Variants in DDX39B observed in about 807,000 individuals in gnomAD.
The protein encoded by DDX39B is spliceosome RNA helicase DDX39B.
DDX39B carries 6 observed loss-of-function variants against 46.4 expected under a neutral mutation model. The ratio of observed to expected loss-of-function variants is 0.13; its 90% confidence interval spans 0.07 to 0.26. The LOEUF is 0.26. Among genes scored for constraint, DDX39B ranks in the 10% least tolerant of loss-of-function variants. DDX39B has a pLI of 1.00. For synonymous variants in DDX39B, 174 were observed against 199.4 expected, an observed-to-expected ratio of 0.87 and a Z score of 1.07; for missense variants, 185 against 553.4, an observed-to-expected ratio of 0.33 and a Z score of 6.68.
In DDX39B at chr6:31,531,413, G is replaced by A; in HGVS notation, c.868-8C>T. Reference sequence around the variant, plus strand: ...CTTCACAAAGATCACCACCTGTTGTGGGGTGGGGTGGGGGGTCGCAAATTG... The same window carrying A: ...CTTCACAAAGATCACCACCTGTTGTAGGGTGGGGTGGGGGGTCGCAAATTG... On this transcript the variant is annotated splice_region_variant and splice_polypyrimidine_tract_variant and intron_variant, in intron 7 of 10. Transcript: ENST00000396172. The surrounding 1 kb of genome is among the most constrained non-coding windows in gnomAD (Gnocchi z 5.8). The A allele has an allele frequency of 5.6e-6, 9 of 1,613,868 alleles. No homozygotes were observed. The highest frequency in any genetic ancestry group is 7.6e-6 in the Non-Finnish European group (9 of 1,179,818).
intron 1 of DDX39B, chr6:31,541,348 G>C (rs568135234): frequency 2.6e-6 from 1 of 382,950 alleles, no homozygotes; most frequent in South Asian, 2.0e-5. Context: ...AAAGCTAATA[G>C]GTGACAGAGA....
At position 31,535,539 on chromosome 6, in the gene DDX39B, A is replaced by C; in HGVS notation, c.617-54T>G. The C allele has an allele frequency of 6.9e-7, 1 of 1,440,360 alleles. No individual in the cohort carries two copies. Among genetic ancestry groups the C allele is most frequent in the Non-Finnish European group, 9.7e-7 (1 of 1,027,904 alleles). The allele number at this position is 1,440,360 out of a possible 1,614,324, so 89.2% of individuals were successfully genotyped here. On this transcript the variant is annotated intron_variant, in intron 5 of 10. Transcript: ENST00000396172. This position sits in a 1 kb window ranked among gnomAD's most constrained non-coding sequence, Gnocchi z 4.6. ...AGAAAATAAGCAGGTATGATAAACA[A>C]AGATTAGAGGTAGACTTCCCAGTGA...
At position 31,535,138 on chromosome 6, in the gene DDX39B, C is replaced by T; in HGVS notation, c.735+229G>A. On this transcript the variant is annotated intron_variant, in intron 6 of 10. Coordinates refer to ENST00000396172, the MANE Select transcript of DDX39B (RefSeq NM_004640.7). This position sits in a 1 kb window ranked among gnomAD's most constrained non-coding sequence, Gnocchi z 4.6. ...ATTTATGAAAAAGTCGAACACTACC[C>T]GCTCTCACATTAACCCGACCAAGTC... 2 of 590,618 alleles carry T rather than the reference C, an allele frequency of 3.4e-6. No homozygotes were observed. The highest frequency in any genetic ancestry group is 6.1e-6 in the Non-Finnish European group (2 of 329,250). The allele number at this position is 590,618 out of a possible 1,614,324, so 36.6% of individuals were successfully genotyped here.
rs1256146677 is a variant in DDX39B at position 31,535,358 on chromosome 6, G to A, written c.735+9C>T. On this transcript the variant is annotated intron_variant, in intron 6 of 10. Coordinates refer to ENST00000396172, the MANE Select transcript of DDX39B (RefSeq NM_004640.7). This position sits in a 1 kb window ranked among gnomAD's most constrained non-coding sequence, Gnocchi z 4.6. The stretch of plus-strand genomic sequence containing the variant: ...GGAGTGGAGGGAGAGAAGGTAGAAG[G>A]GTATTTACATCTTGCATGAACTTGC... 5 of 1,611,796 alleles carry A rather than the reference G, an allele frequency of 3.1e-6. No homozygotes were observed. Among genetic ancestry groups the A allele is most frequent in the Admixed American group, 1.7e-5 (1 of 59,998 alleles).
rs1200065022 is a variant in DDX39B, at chr6:31,540,574, G to A, written c.-42C>T. ...GAAGAAGGGAAGGGGGATCTGGATG[G>A]GTTCTCGCAAAATAGGTGAAAACAA... On this transcript the variant is annotated 5_prime_UTR_variant, in exon 2 of 11. Coordinates refer to ENST00000396172, the MANE Select transcript of DDX39B (RefSeq NM_004640.7). 1.2e-6 allele frequency: 2 copies of A among 1,601,318 alleles called. No homozygotes were observed. The highest frequency in any genetic ancestry group is 1.7e-6 in the Non-Finnish European group (2 of 1,170,696).
rs1768533851 is a variant in DDX39B, at chr6:31,541,961, G to A, written c.-144C>T. 2.7e-5 allele frequency: 18 copies of A among 671,976 alleles called. No individual in the cohort carries two copies. In the East Asian group the frequency reaches 4.4e-4, roughly 16 times the overall value. The allele number at this position is 671,976 out of a possible 1,614,324, so 41.6% of individuals were successfully genotyped here. On this transcript the variant is annotated 5_prime_UTR_variant, in exon 1 of 11. Coordinates refer to ENST00000396172, the MANE Select transcript of DDX39B (RefSeq NM_004640.7). ...AGGCCAAAGCTTACCTAAACAGGGA[G>A]AGCGCGTATGGCGGCAGCAACAGCG...
At position 31,532,662 on chromosome 6, in the gene DDX39B, C is replaced by T. The variant is rs746625524; in HGVS notation, c.867+118G>A. 101 of 1,347,396 alleles carry T rather than the reference C, an allele frequency of 7.5e-5. 1 individual carries two copies. The Middle Eastern group carries it at 7.9e-4, about 11-fold the overall frequency. 83.5% of individuals were successfully genotyped at this position (1,347,396 alleles called of 1,614,324 possible). ...TCAGCCCCTAAGATATTTATACCCT[C>T]ATTATTCTCTCCCACATCACACATG... On this transcript the variant is annotated intron_variant, in intron 7 of 10. Transcript: ENST00000396172.
In DDX39B at chr6:31,535,132, A is replaced by G. The variant is rs1767643142; in HGVS notation, c.735+235T>C. On this transcript the variant is annotated intron_variant, in intron 6 of 10. Coordinates refer to ENST00000396172, the MANE Select transcript of DDX39B (RefSeq NM_004640.7). This position sits in a 1 kb window ranked among gnomAD's most constrained non-coding sequence, Gnocchi z 4.6. ...GTTGTGATTTATGAAAAAGTCGAAC[A>G]CTACCCGCTCTCACATTAACCCGAC... is the stretch of plus-strand genomic sequence containing the variant. The G allele has an allele frequency of 1.7e-6, 1 of 579,644 alleles. No individual in the cohort carries two copies. The highest frequency in any genetic ancestry group is 3.0e-5 in the Admixed American group (1 of 33,464). The allele number at this position is 579,644 out of a possible 1,614,324, so 35.9% of individuals were successfully genotyped here. A position where few individuals can be genotyped will look rare whatever the true frequency, so the allele number is the denominator to read the frequency against.
chr6:31,532,729 C>A (rs763842309), intron 7 of DDX39B, 51 bp downstream of exon 7: 1 of 1,594,582 alleles, frequency 6.3e-7, no homozygotes, highest in South Asian at 1.1e-5. Flanking sequence ...CAGGTTTCTG[C>A]TACAGCTGGA....
rs372670994 is a variant in DDX39B at position 31,538,874 on chromosome 6, G to A, written c.340-19C>T. 1.4e-4 allele frequency: 224 copies of A among 1,606,550 alleles called. No homozygotes were observed. In the Middle Eastern group the frequency reaches 1.7e-3, roughly 12 times the overall value. Reference sequence around the variant, plus strand: ...CAGACACCTTAGGCAGGAAGTAGACGGAGACATATGGTAAATGTAGCTCTT... The same window carrying A: ...CAGACACCTTAGGCAGGAAGTAGACAGAGACATATGGTAAATGTAGCTCTT... On this transcript the variant is annotated intron_variant, in intron 3 of 10. Coordinates refer to ENST00000396172, the MANE Select transcript of DDX39B (RefSeq NM_004640.7).
chr6:31,537,054 T>C (rs1012132429), intron 4 of DDX39B, among the ~76,000 whole-genome samples: 2 of 152,142 alleles, frequency 1.3e-5, no homozygotes, highest in African/African-American at 2.4e-5. Flanking sequence ...GAGGTTGTGG[T>C]GAGCCAAGAT....
intron 6 of DDX39B, chr6:31,533,118 G>GT: frequency 4.2e-6 from 2 of 481,016 alleles, no homozygotes; most frequent in South Asian, 4.2e-5. Flanking sequence ...TATCAGATGA[G>GT]TTTTAAGACT....
intron 4 of DDX39B, 75 bp from the exon 5 acceptor site, chr6:31,536,758 T>G: frequency 1.3e-6 from 2 of 1,534,634 alleles, no homozygotes; most frequent in Non-Finnish European, 1.7e-6. Context: ...CCCACTCTGT[T>G]TGAGCTAAAC....
At chr6:31,541,606 T>C (rs1768464091) in intron 1 of DDX39B, 1 of 473,262 alleles carries the variant, frequency 2.1e-6, no homozygotes, top group Non-Finnish European at 4.4e-6. Flanking sequence ...ACAAGGAAGG[T>C]GAGAAGAGCC....
rs1195999352 is a variant in DDX39B at position 31,531,263 on chromosome 6, G to C, written c.977+33C>G. On this transcript the variant is annotated intron_variant, in intron 8 of 10. Coordinates refer to ENST00000396172, the MANE Select transcript of DDX39B (RefSeq NM_004640.7). The surrounding 1 kb of genome is among the most constrained non-coding windows in gnomAD (Gnocchi z 5.8). ...TCTCTCAACTGTCTTTTTCTCCCAA[G>C]GACACAAAATATCTTTCCCATCTTC... 1.2e-6 allele frequency: 2 copies of C among 1,614,052 alleles called. No individual in the cohort carries two copies. Among genetic ancestry groups the C allele is most frequent in the Admixed American group, 3.3e-5 (2 of 60,028 alleles).
rs1396591270 is a variant in DDX39B at position 31,535,012 on chromosome 6, G to A, written c.735+355C>T. ...GTACGCTCGATGCCACCTTGAGGGT[G>A]CGTGGCTGTAGGGTGCATGTAAGAG... On this transcript the variant is annotated intron_variant, in intron 6 of 10. Transcript: ENST00000396172. The surrounding 1 kb of genome is among the most constrained non-coding windows in gnomAD (Gnocchi z 4.6). The A allele has an allele frequency of 2.0e-5, 7 of 342,074 alleles. No individual in the cohort carries two copies. The Admixed American group carries it at 2.8e-4, about 14-fold the overall frequency. The allele number at this position is 342,074 out of a possible 1,614,324, so 21.2% of individuals were successfully genotyped here.
chr6:31,541,306 AAAC>A (rs924137096), intron 1 of DDX39B: 5 of 454,826 alleles, frequency 1.1e-5, no homozygotes, highest in African/African-American at 6.1e-5. Context: ...GGCCACAAAA[AAAC>A]AAAATTCATG....
chr6:31,540,555 G>A lies in DDX39B; in HGVS notation c.-23C>T, dbSNP rs776040204. ...CATAACTGGGCCGGCAGGGGAAGAAGGGAAGGGGGATCTGGATGGGTTCTC... is the reference window on the plus strand; with the variant it reads ...CATAACTGGGCCGGCAGGGGAAGAAAGGAAGGGGGATCTGGATGGGTTCTC... On this transcript the variant is annotated 5_prime_UTR_variant, in exon 2 of 11. Transcript: ENST00000396172. The A allele has an allele frequency of 2.5e-6, 4 of 1,612,722 alleles. No individual in the cohort carries two copies. In the Admixed American group the frequency reaches 5.0e-5, roughly 20 times the overall value.
At chr6:31,537,908 C>T (rs1451306416) in intron 4 of DDX39B, among the ~76,000 whole-genome samples, 1 of 152,020 alleles carries the variant, frequency 6.6e-6, no homozygotes, top group Admixed American at 6.6e-5. Flanking sequence ...CATGATGGCA[C>T]ACTGTAGTCC....
Sources: gnomAD v4.1 joint callset for allele counts (sites outside exome capture counted in the v4.1 genomes callset) on GRCh38, gnomAD v4.1.1 for gene constraint, Gnocchi (gnomAD v3.1) non-coding constraint, MANE v1.5 for transcripts, NCBI Gene and HGNC (gene_info 2026-07-23, HGNC 2026-07-21) for gene names.